Variants in BRD1 observed in about 807,000 individuals in gnomAD.
BRD1 encodes the protein bromodomain containing 1.
BRD1 carries 24 observed loss-of-function variants against 107.7 expected under a neutral mutation model. The observed-to-expected ratio is 0.22, with a 90% confidence interval of 0.16 to 0.31. BRD1 has a LOEUF of 0.31. Among genes scored for constraint, BRD1 ranks in the 10% least tolerant of loss-of-function variants. BRD1 has a pLI of 1.00. For synonymous variants in BRD1, 744 were observed against 686.1 expected (o/e 1.08, Z -1.32); for missense variants, 1,279 against 1,638.6 (o/e 0.78, Z 3.79).
chr22:49,777,962 G>T, intron 8 of BRD1, 149 bp from the exon 9 acceptor site: 1 of 1,156,544 alleles, frequency 8.6e-7, no homozygotes, highest in Non-Finnish European at 1.2e-6. Context: ...AAGTTCCCGA[G>T]CATAGTCCTT....
intron 6 of BRD1, 113 bp from the exon 7 acceptor site, chr22:49,794,407 A>T: frequency 7.1e-7 from 1 of 1,400,784 alleles, no homozygotes; most frequent in Non-Finnish European, 9.6e-7. Flanking sequence ...AGTGGCTGTT[A>T]GCAACGAGGC....
Position 49,823,814 on chromosome 22 carries a change from G to C in BRD1, c.504C>G (p.Ile168Met). 6.2e-7 allele frequency: 1 copy of C among 1,614,128 alleles called. No individual in the cohort carries two copies. The highest frequency in any genetic ancestry group is 8.5e-7 in the Non-Finnish European group (1 of 1,180,032). ...AGTCGCCCTTGCGCTTCTCATTGACGATCTCCAGCCAGGCATAGTCCTCCT... is the reference window on the plus strand; with the variant it reads ...AGTCGCCCTTGCGCTTCTCATTGACCATCTCCAGCCAGGCATAGTCCTCCT... The part of the protein sequence containing the change: ...MDEEDYAWLE[I>M]VNEKRKGDCV... The change falls in exon 2 of 13, where the codon ATC (isoleucine) becomes ATG (methionine). Residue 168 changes from isoleucine (I) to methionine (M), a missense_variant. This residue lies in a region of BRD1 where 223 missense variants were observed against 263.5 expected (regional missense o/e 0.85). Transcript: ENST00000404760.
At chr22:49,815,418 C>G (rs2059930954) in intron 2 of BRD1, among the ~76,000 whole-genome samples, 1 of 152,074 alleles carries the variant, frequency 6.6e-6, no homozygotes, top group Non-Finnish European at 1.5e-5. Context: ...TGACGTGCAC[C>G]TGTAATTCCG....
Position 49,823,665 on chromosome 22 carries a change from C to T in BRD1, c.653G>A (p.Cys218Tyr). ...CTGACACTCCCCGTCCATGCAGATG[C>T]AGCACACGGCGTCCTCGTCGATCAG... ...QSLIDEDAVC[C>Y]ICMDGECQNS... Residue 218 changes from cysteine to tyrosine, a missense_variant, in exon 2 of 13, where the codon TGC becomes TAC. Coordinates refer to ENST00000404760, the MANE Select transcript of BRD1 (RefSeq NM_001304808.3). 1 of 1,613,080 alleles carries T rather than the reference C, an allele frequency of 6.2e-7. No individual in the cohort carries two copies. Among genetic ancestry groups the T allele is most frequent in the Non-Finnish European group, 8.5e-7 (1 of 1,179,842 alleles).
At chr22:49,798,330 T>C (rs567423422) in intron 5 of BRD1, among the ~76,000 whole-genome samples, 220 of 152,354 alleles carry the variant, frequency 1.4e-3, no homozygotes, top group Non-Finnish European at 2.4e-3. Flanking sequence ...GGGCGGATGC[T>C]GCCACAGCCC....
rs766456906 is a variant in BRD1 at position 49,823,050 on chromosome 22, G to A, written c.1268C>T (p.Thr423Ile). 3 of 1,614,246 alleles carry A rather than the reference G, an allele frequency of 1.9e-6. No homozygotes were observed. Among genetic ancestry groups the A allele is most frequent in the Non-Finnish European group, 1.7e-6 (2 of 1,180,048 alleles). The change falls in exon 2 of 13, where the codon ACA becomes ATA. Residue 423 changes from threonine to isoleucine, a missense_variant. By Grantham distance (89) the Thr-to-Ile change is moderately conservative. Coordinates refer to ENST00000404760, the MANE Select transcript of BRD1 (RefSeq NM_001304808.3). ...KESSVKTVRS[T>I]SKVRKKAKKA... ...TTTTGCCTTCTTCCTGACCTTGGAT[G>A]TGGACCTGACCGTTTTAACCGAGCT...
intron 8 of BRD1, among the ~76,000 whole-genome samples, chr22:49,781,585 A>G (rs2059209191): frequency 6.6e-6 from 1 of 152,148 alleles, no homozygotes; most frequent in South Asian, 2.1e-4. Context: ...GCAACCCCAC[A>G]ACACGGGATA....
chr22:49,798,944 C>T (rs1276036770), intron 4 of BRD1, 44 bp downstream of exon 4: 2 of 1,559,590 alleles, frequency 1.3e-6, no homozygotes, highest in South Asian at 1.2e-5. Context: ...CACCCACGCC[C>T]CGTGGCCAGT....
At chr22:49,809,781 C>T (rs1478245652) in intron 2 of BRD1, among the ~76,000 whole-genome samples, 4 of 152,182 alleles carry the variant, frequency 2.6e-5, no homozygotes, top group Middle Eastern at 3.4e-3. Flanking sequence ...CACTGCCTAA[C>T]GGGACATCTT....
chr22:49,823,440 A>G lies in BRD1; in HGVS notation c.878T>C (p.Val293Ala). 1 of 1,611,608 alleles carries G rather than the reference A, an allele frequency of 6.2e-7. No homozygotes were observed. The highest frequency in any genetic ancestry group is 8.5e-7 in the Non-Finnish European group (1 of 1,179,990). ...KTDDDRWGHVVCALWIPEVGF... is the reference protein window; with the variant it reads ...KTDDDRWGHVACALWIPEVGF... ...GACCTCTGGGATCCACAGGGCACAC[A>G]CCACGTGACCCCAGCGGTCGTCATC... is the stretch of plus-strand genomic sequence containing the variant. The change falls in exon 2 of 13, where the codon GTG becomes GCG. Residue 293 changes from valine (V) to alanine (A), a missense_variant. Transcript: ENST00000404760.
chr22:49,812,273 A>G (rs2059865030), intron 2 of BRD1, among the ~76,000 whole-genome samples: 1 of 152,190 alleles, frequency 6.6e-6, no homozygotes, highest in Non-Finnish European at 1.5e-5. Context: ...AGAATCTTAC[A>G]ACATGTTGTA....
intron 2 of BRD1, chr22:49,817,714 G>T (rs940207149): frequency 9.3e-6 from 2 of 214,298 alleles, no homozygotes; most frequent in Non-Finnish European, 1.0e-5. Context: ...CAATTCCAGG[G>T]GTCAATGTTT....
At chr22:49,802,797 G>A (rs2059666056) in intron 3 of BRD1, among the ~76,000 whole-genome samples, 1 of 152,270 alleles carries the variant, frequency 6.6e-6, no homozygotes, top group Non-Finnish European at 1.5e-5. Flanking sequence ...GTCCTTTCCA[G>A]GAGCCCTGGA....
chr22:49,786,968 C>G (rs138836), intron 8 of BRD1, among the ~76,000 whole-genome samples: 12,094 of 152,030 alleles, frequency 0.08, 637 homozygotes, highest in Non-Finnish European at 0.11. Flanking sequence ...GTGGTGTGCA[C>G]CTGTAGTCCC....
intron 2 of BRD1, 142 bp downstream of exon 2, chr22:49,822,809 C>A (rs765332441): frequency 1.5e-4 from 143 of 957,016 alleles, no homozygotes; most frequent in Non-Finnish European, 2.1e-4. Flanking sequence ...ACAAGCAGAA[C>A]CACACTTCAG....
intron 7 of BRD1, among the ~76,000 whole-genome samples, chr22:49,790,701 G>A (rs1173858196): frequency 2.0e-5 from 3 of 152,186 alleles, no homozygotes; most frequent in Non-Finnish European, 2.9e-5. Context: ...TTCAGCTCAC[G>A]AGCAGCAACC....
rs1166996753 is a variant in BRD1 at position 49,775,822 on chromosome 22, C to CG, written c.3232-78_3232-77insC. On this transcript the variant is annotated intron_variant, in intron 11 of 12. Coordinates refer to ENST00000404760, the MANE Select transcript of BRD1 (RefSeq NM_001304808.3). ...ACCCCACCTGTCACTGGCACCCCCC[C>CG]CCGCCTCCCCACCCCAGCTGTGTGA... 40 of 1,368,022 alleles carry CG rather than the reference C, an allele frequency of 2.9e-5. No individual in the cohort carries two copies. In the South Asian group the frequency reaches 5.3e-4, roughly 18 times the overall value. 84.7% of individuals were successfully genotyped at this position (1,368,022 alleles called of 1,614,324 possible). A position where few individuals can be genotyped will look rare whatever the true frequency, so the allele number is the denominator to read the frequency against.
Position 49,798,587 on chromosome 22 carries a change from T to C in BRD1, c.1756A>G (p.Ile586Val), listed in dbSNP as rs1418088589. Reference protein sequence around the residue: ...DQLQDKDPARIFAQPVSLKEV... With the variant: ...DQLQDKDPARVFAQPVSLKEV... ...TTCAGACTCACGGGCTGCGCAAATA[T>C]CCTGGCGGGGTCCTTGTCTTGCAGC... Residue 586 changes from isoleucine to valine, a missense_variant, in exon 5 of 13, where the codon ATA (isoleucine) becomes GTA (valine). Transcript: ENST00000404760. The C allele has an allele frequency of 6.2e-7, 1 of 1,614,066 alleles. No individual in the cohort carries two copies. Among genetic ancestry groups the C allele is most frequent in the South Asian group, 1.1e-5 (1 of 91,072 alleles).
intron 3 of BRD1, among the ~76,000 whole-genome samples, chr22:49,801,598 G>A (rs1010085776): frequency 6.6e-6 from 1 of 152,238 alleles, no homozygotes; most frequent in African/African-American, 2.4e-5. Context: ...CTGCTCTGCT[G>A]CGGCTCAAGT....
Sources: allele counts gnomAD v4.1 joint callset (sites outside exome capture counted in the v4.1 genomes callset), GRCh38; gene constraint gnomAD v4.1.1; regional missense constraint gnomAD v4.1.1; transcripts MANE v1.5; gene names NCBI Gene and HGNC (gene_info 2026-07-23, HGNC 2026-07-21).